KCNMA1: variants seen among roughly 807,000 people sequenced by gnomAD.
KCNMA1 encodes Calcium-activated potassium channel subunit alpha-1.
KCNMA1 carries 29 observed loss-of-function variants against 140.0 expected under a neutral mutation model. The ratio of observed to expected loss-of-function variants is 0.21; its 90% CI spans 0.15 to 0.28. KCNMA1 has a LOEUF of 0.28. KCNMA1 is among the 10% of genes least tolerant of loss of function. The pLI is 1.00. For missense variants in KCNMA1, 880 were observed against 1,602.2 expected, an observed-to-expected ratio of 0.55 and a Z score of 7.70; for synonymous variants, 612 against 611.9, an observed-to-expected ratio of 1.00 and a Z score of 0.00.
intron 5 of KCNMA1, among the ~76,000 whole-genome samples, chr10:77,174,711 A>T (rs1288342892): frequency 1.3e-5 from 2 of 152,192 alleles, no homozygotes; most frequent in African/African-American, 4.8e-5. Context: ...GAATCACTAC[A>T]CCTGAGAGCT....
intron 23 of KCNMA1, among the ~76,000 whole-genome samples, chr10:76,941,744 G>T (rs977100417): frequency 6.6e-6 from 1 of 152,118 alleles, no homozygotes; most frequent in Admixed American, 6.5e-5. Flanking sequence ...GCCTTCTTCT[G>T]TCATTTGTGC....
chr10:76,979,031 G>A (rs1190475786), intron 19 of KCNMA1, among the ~76,000 whole-genome samples: 3 of 152,004 alleles, frequency 2.0e-5, no homozygotes, highest in Admixed American at 1.3e-4. Context: ...CTTAAATTTG[G>A]TGCCCAGGGC....
At chr10:77,328,418 A>G (rs1193318297) in intron 2 of KCNMA1, among the ~76,000 whole-genome samples, 1 of 152,220 alleles carries the variant, frequency 6.6e-6, no homozygotes, top group Admixed American at 6.5e-5. Flanking sequence ...TATCCTTGGA[A>G]AATGTTTAAA....
At position 76,886,271 on chromosome 10, in the gene KCNMA1, G is replaced by A; in HGVS notation, c.*995C>T. ...GGGAGTAAAAAGATCCCCTGAGAAT[G>A]CATGGAAAAATACTTGCTCTTTCCT... On this transcript the variant is annotated 3_prime_UTR_variant, in exon 28 of 28. Coordinates refer to ENST00000286628, the MANE Select transcript of KCNMA1 (RefSeq NM_001161352.2). The A allele has an allele frequency of 1.0e-6, 1 of 985,302 alleles. No individual in the cohort carries two copies. Among genetic ancestry groups the A allele is most frequent in the Non-Finnish European group, 1.2e-6 (1 of 829,836 alleles). The allele number at this position is 985,302 out of a possible 1,614,324, so 61.0% of individuals were successfully genotyped here. A position where few individuals can be genotyped will look rare whatever the true frequency, so the allele number is the denominator to read the frequency against.
At chr10:77,142,619 C>T (rs954089671) in intron 5 of KCNMA1, among the ~76,000 whole-genome samples, 4 of 151,850 alleles carry the variant, frequency 2.6e-5, no homozygotes, top group Admixed American at 6.6e-5. Flanking sequence ...AACAGCATGA[C>T]GAATATCTTG....
intron 1 of KCNMA1, among the ~76,000 whole-genome samples, chr10:77,610,932 C>T (rs1487749654): frequency 6.6e-6 from 1 of 152,226 alleles, no homozygotes; most frequent in East Asian, 1.9e-4. Flanking sequence ...GTTAGCAGAG[C>T]AAAGCTCTGG....
At chr10:76,908,388 G>C (rs913095640) in intron 25 of KCNMA1, among the ~76,000 whole-genome samples, 11 of 152,226 alleles carry the variant, frequency 7.2e-5, no homozygotes, top group African/African-American at 2.7e-4. Flanking sequence ...GGCTTGGAAA[G>C]CCATGGCATG....
At chr10:77,625,176 G>A (rs1408758191) in intron 1 of KCNMA1, among the ~76,000 whole-genome samples, 3 of 152,036 alleles carry the variant, frequency 2.0e-5, no homozygotes, top group East Asian at 1.9e-4. Flanking sequence ...GGCGGATCAC[G>A]AGATCAGGAG....
chr10:77,270,919 TATA>T (rs2064945002), intron 2 of KCNMA1, among the ~76,000 whole-genome samples: 1 of 152,144 alleles, frequency 6.6e-6, no homozygotes, highest in South Asian at 2.1e-4. Context: ...AAAAGAAACA[TATA>T]ATATTAGTGT....
chr10:77,010,598 C>T (rs1265049072), intron 18 of KCNMA1, among the ~76,000 whole-genome samples: 2 of 151,998 alleles, frequency 1.3e-5, no homozygotes, highest in Non-Finnish European at 2.9e-5. Flanking sequence ...TAAGCTGCCC[C>T]ACCCTGAGGG....
At chr10:77,415,497 GA>G (rs1214458149) in intron 1 of KCNMA1, among the ~76,000 whole-genome samples, 1 of 152,220 alleles carries the variant, frequency 6.6e-6, no homozygotes, top group Non-Finnish European at 1.5e-5. Flanking sequence ...GCCCAGACAA[GA>G]AAACTGTGGC....
chr10:77,350,558 C>T (rs2092749977), intron 2 of KCNMA1: 1 of 152,176 alleles, frequency 6.6e-6, no homozygotes, highest in Non-Finnish European at 1.5e-5. Flanking sequence ...TGCCAGGGCT[C>T]AAAAATTCTA....
At chr10:77,184,281 G>T (rs528281502) in intron 4 of KCNMA1, among the ~76,000 whole-genome samples, 4 of 152,222 alleles carry the variant, frequency 2.6e-5, no homozygotes, top group South Asian at 2.1e-4. Context: ...GTGCAGTGGC[G>T]TGATTTCAGC....
intron 19 of KCNMA1, among the ~76,000 whole-genome samples, chr10:76,984,133 G>A (rs1047450725): frequency 5.3e-5 from 8 of 151,972 alleles, no homozygotes; most frequent in Non-Finnish European, 1.0e-4. Context: ...TTCTGGCCCC[G>A]AGAGAAAGGC....
intron 3 of KCNMA1, among the ~76,000 whole-genome samples, chr10:77,228,608 T>C (rs112401085): frequency 0.028 from 4,337 of 152,344 alleles, 73 homozygotes; most frequent in South Asian, 0.091. Flanking sequence ...CTCTGCTAAA[T>C]AAATATTGAA....
intron 2 of KCNMA1, among the ~76,000 whole-genome samples, chr10:77,316,815 C>G (rs554880839): frequency 2.4e-4 from 36 of 152,194 alleles, no homozygotes; most frequent in African/African-American, 8.2e-4. Flanking sequence ...TAGGGGTGTG[C>G]TTGGTAGGTA....
chr10:77,402,766 C>G lies in KCNMA1; in HGVS notation c.540+1096G>C, dbSNP rs142716874. On this transcript the variant is annotated intron_variant, in intron 2 of 27. Coordinates refer to ENST00000286628, the MANE Select transcript of KCNMA1 (RefSeq NM_001161352.2). ...AGATAATGACTGTTTTCCAGTGTCC[C>G]TGCCTGGTCTTTGAGCCTCGCAGGC... 7.3e-3 allele frequency among the ~76,000 whole-genome samples: 1,117 copies of G among 152,330 alleles called. 13 individuals are homozygous for G. Among genetic ancestry groups the G allele is most frequent in the African/African-American group, 0.025 (1,042 of 41,570 alleles).
At chr10:77,607,815 GTTATC>G (rs2154567434) in intron 1 of KCNMA1, among the ~76,000 whole-genome samples, 1 of 152,276 alleles carries the variant, frequency 6.6e-6, no homozygotes, top group East Asian at 1.9e-4. Flanking sequence ...GTATATTTGT[GTTATC>G]TTAAGGCACT....
intron 3 of KCNMA1, among the ~76,000 whole-genome samples, chr10:77,229,898 A>T (rs1211398910): frequency 6.6e-6 from 1 of 152,230 alleles, no homozygotes; most frequent in African/African-American, 2.4e-5. Flanking sequence ...GATTCATCAA[A>T]AAGCTAAACA....
Sources: gnomAD v4.1 joint callset for allele counts (sites outside exome capture counted in the v4.1 genomes callset) on GRCh38, gnomAD v4.1.1 for gene constraint, MANE v1.5 for transcripts, NCBI Gene and HGNC (gene_info 2026-07-23, HGNC 2026-07-21) for gene names.